NALCN: variants seen among roughly 807,000 people sequenced by gnomAD.
NALCN encodes sodium leak channel, non-selective.
NALCN carries 111 observed loss-of-function variants against 225.3 expected under a neutral mutation model. That is an observed-to-expected ratio of 0.49 (90% confidence interval 0.42 to 0.58). The LOEUF is 0.58. Among genes scored for constraint, NALCN ranks in the 20% least tolerant of loss-of-function variants. The pLI is 0.00. For synonymous variants in NALCN, 764 were observed against 769.0 expected, an observed-to-expected ratio of 0.99 and a Z score of 0.11; for missense variants, 1,378 against 2,202.4, an observed-to-expected ratio of 0.63 and a Z score of 7.49.
At chr13:101,395,848 A>T (rs1299551956) in intron 2 of NALCN, among the ~76,000 whole-genome samples, 3 of 152,186 alleles carry the variant, frequency 2.0e-5, no homozygotes, top group African/African-American at 4.8e-5. Context: ...CTTCCCTAGC[A>T]TCTAGCACAA....
At chr13:101,393,982 T>G (rs2152323) in intron 3 of NALCN, among the ~76,000 whole-genome samples, 1 of 151,988 alleles carries the variant, frequency 6.6e-6, no homozygotes, top group African/African-American at 2.4e-5. Flanking sequence ...TTTTATCATA[T>G]GTAAAATATT....
intron 37 of NALCN, 142 bp from the exon 38 acceptor site, chr13:101,068,969 T>C (rs918784202): frequency 9.3e-5 from 74 of 792,382 alleles, no homozygotes; most frequent in Non-Finnish European, 1.3e-4. Context: ...CCACATACAT[T>C]GGGTACATCA....
At chr13:101,416,082 G>C (rs1227817142) in intron 1 of NALCN, among the ~76,000 whole-genome samples, 1 of 151,734 alleles carries the variant, frequency 6.6e-6, no homozygotes, top group African/African-American at 2.4e-5. Flanking sequence ...CGGCCAGGCC[G>C]GCAAGGACCC....
rs763804961 is a variant in NALCN at position 101,107,806 on chromosome 13, A to G, written c.2365-17T>C. On this transcript the variant is annotated splice_polypyrimidine_tract_variant and intron_variant, in intron 20 of 43. Coordinates refer to ENST00000251127, the MANE Select transcript of NALCN (RefSeq NM_052867.4). The stretch of plus-strand genomic sequence containing the variant: ...ATTGGAATGCTAGAAATAAATTAAC[A>G]GGGGGTGTGTTAAAACAGGAGGGTT... The G allele has an allele frequency of 7.5e-6, 12 of 1,603,880 alleles. No individual in the cohort carries two copies. The highest frequency in any genetic ancestry group is 8.5e-6 in the Non-Finnish European group (10 of 1,175,764).
chr13:101,132,306 G>C lies in NALCN; in HGVS notation c.2119-7625C>G, dbSNP rs576367448. ...TTCTGAATGTGTAGGTTTTTTTGTG[G>C]TTATTTTCTTCTTATTAGGTTTCTG... On this transcript the variant is annotated intron_variant, in intron 17 of 43. Coordinates refer to ENST00000251127, the MANE Select transcript of NALCN (RefSeq NM_052867.4). Among the ~76,000 whole-genome samples the C allele has an allele frequency of 1.6e-3, 239 of 151,906 alleles. 3 individuals are homozygous for C. The highest frequency in any genetic ancestry group is 5.4e-3 in the African/African-American group (223 of 41,480).
intron 3 of NALCN, among the ~76,000 whole-genome samples, chr13:101,382,052 G>A (rs1005385063): frequency 1.3e-5 from 2 of 152,018 alleles, no homozygotes; most frequent in Non-Finnish European, 2.9e-5. Flanking sequence ...TGAGTACACG[G>A]GCACCCAAAT....
intron 11 of NALCN, among the ~76,000 whole-genome samples, chr13:101,247,963 C>T (rs1294394623): frequency 3.3e-5 from 5 of 152,076 alleles, no homozygotes; most frequent in Admixed American, 2.0e-4. Context: ...GATGGCTTCC[C>T]GATCTATCCA....
At position 101,268,757 on chromosome 13, in the gene NALCN, C is replaced by G. The variant is rs151062555; in HGVS notation, c.1135-10183G>C. The stretch of plus-strand genomic sequence containing the variant: ...TTTCCTATATCCTGCCCAATAAAAT[C>G]ATCTGTCTTGAATTGATTTAAAACA... On this transcript the variant is annotated intron_variant, in intron 10 of 43. Transcript: ENST00000251127. 7.7e-3 allele frequency among the ~76,000 whole-genome samples: 1,179 copies of G among 152,230 alleles called. 17 individuals carry two copies. Among genetic ancestry groups the G allele is most frequent in the African/African-American group, 0.027 (1,119 of 41,554 alleles).
chr13:101,228,546 C>T (rs185585372), intron 13 of NALCN, among the ~76,000 whole-genome samples: 3 of 152,262 alleles, frequency 2.0e-5, no homozygotes, highest in Admixed American at 2.0e-4. Flanking sequence ...AGGTTTCCCC[C>T]TTTAGCTTGG....
At chr13:101,248,885 C>T (rs1195370627) in intron 11 of NALCN, among the ~76,000 whole-genome samples, 7 of 152,088 alleles carry the variant, frequency 4.6e-5, no homozygotes, top group African/African-American at 9.7e-5. Flanking sequence ...TGGAAACCCC[C>T]GAGTTTTTAG....
intron 30 of NALCN, among the ~76,000 whole-genome samples, chr13:101,086,296 T>A (rs1460940438): frequency 1.3e-5 from 2 of 152,088 alleles, no homozygotes; most frequent in African/African-American, 2.4e-5. Flanking sequence ...CTTGTGATTC[T>A]TCTTTAATAT....
At chr13:101,401,991 T>C (rs1433374730) in intron 1 of NALCN, among the ~76,000 whole-genome samples, 1 of 152,230 alleles carries the variant, frequency 6.6e-6, no homozygotes, top group African/African-American at 2.4e-5. Flanking sequence ...AAATATTGTT[T>C]TATGCCTTCA....
At chr13:101,215,454 G>A (rs1007716059) in intron 13 of NALCN, among the ~76,000 whole-genome samples, 3 of 152,160 alleles carry the variant, frequency 2.0e-5, no homozygotes, top group Non-Finnish European at 4.4e-5. Flanking sequence ...AGGTCAGAAT[G>A]TGGGCATGGT....
chr13:101,396,441 T>C (rs2047295747), intron 2 of NALCN, among the ~76,000 whole-genome samples: 1 of 152,124 alleles, frequency 6.6e-6, no homozygotes, highest in Non-Finnish European at 1.5e-5. Flanking sequence ...TTTAGTCTTG[T>C]AGTAGATGGA....
At position 101,284,018 on chromosome 13, in the gene NALCN, A is replaced by G. The variant is rs1180561499; in HGVS notation, c.1049T>C (p.Met350Thr). The G allele has an allele frequency of 6.2e-7, 1 of 1,613,116 alleles. No homozygotes were observed. Among genetic ancestry groups the G allele is most frequent in the South Asian group, 1.1e-5 (1 of 90,810 alleles). The change falls in exon 10 of 44, where the codon ATG (methionine) becomes ACG (threonine). Residue 350 changes from methionine to threonine, a missense_variant and splice_region_variant. Physicochemically the swap from Met to Thr is moderately conservative, Grantham distance 81. Coordinates refer to ENST00000251127, the MANE Select transcript of NALCN (RefSeq NM_052867.4). The part of the protein sequence containing the change: ...SSTTSTATTQ[M>T]FHEDAAGGWQ... ...ACCTCCAGCAGCATCTTCATGAAAC[A>G]TCTTCAAGACAAAGAAGGGAGATGA...
intron 27 of NALCN, among the ~76,000 whole-genome samples, chr13:101,100,299 G>A (rs2034737951): frequency 6.6e-6 from 1 of 152,178 alleles, no homozygotes; most frequent in Non-Finnish European, 1.5e-5. Context: ...GACCTCAAGG[G>A]AAAGTATCCA....
chr13:101,164,836 G>T (rs2139884221), intron 15 of NALCN, among the ~76,000 whole-genome samples: 1 of 152,302 alleles, frequency 6.6e-6, no homozygotes, highest in African/African-American at 2.4e-5. Context: ...TCTATAAGCT[G>T]ATCTTTTGAG....
At chr13:101,142,029 T>C (rs796941781) in intron 17 of NALCN, among the ~76,000 whole-genome samples, 8 of 152,210 alleles carry the variant, frequency 5.3e-5, no homozygotes, top group African/African-American at 1.4e-4. Flanking sequence ...CAAGCTGATA[T>C]ATATAGTTTG....
chr13:101,152,380 GGAGCTCAGCAGAGCACTTATAAC>G (rs1354762229), intron 15 of NALCN, among the ~76,000 whole-genome samples: 5 of 152,120 alleles, frequency 3.3e-5, no homozygotes, highest in Admixed American at 1.3e-4. Flanking sequence ...TGTTGGTTTG[GGAGCTCAGCAGAGCACTTATAAC>G]AGACTGTTGC....
Sources: gnomAD v4.1 joint callset for allele counts (sites outside exome capture counted in the v4.1 genomes callset) on GRCh38, gnomAD v4.1.1 for gene constraint, MANE v1.5 for transcripts, NCBI Gene and HGNC (gene_info 2026-07-23, HGNC 2026-07-21) for gene names.